The following LRBA variants were observed in gnomAD, a reference collection of about 807,000 sequenced individuals.
LRBA encodes LPS responsive beige-like anchor protein.
LRBA carries 176 observed loss-of-function variants against 330.0 expected under a neutral mutation model. The observed-to-expected ratio is 0.53, with a 90% CI of 0.47 to 0.60. The LOEUF (loss-of-function observed/expected upper bound fraction) is 0.60, where lower values mean the gene tolerates loss of function less well. LRBA is among the 20% of genes least tolerant of loss of function. The pLI, the probability that LRBA is intolerant of heterozygous loss-of-function variation, is 0.00. For synonymous variants in LRBA, 1,230 were observed against 1,193.0 expected (o/e 1.03, Z -0.64); for missense variants, 3,259 against 3,444.8 (o/e 0.95, Z 1.35).
chr4:150,955,761 G>A (rs1463271390), intron 2 of LRBA, among the ~76,000 whole-genome samples: 1 of 148,188 alleles, frequency 6.7e-6, no homozygotes, highest in Non-Finnish European at 1.5e-5. Context: ...GTGGGGTGGT[G>A]GGCGCCTGTA....
intron 37 of LRBA, among the ~76,000 whole-genome samples, chr4:150,629,456 T>A (rs1343165424): frequency 1.3e-5 from 2 of 151,770 alleles, no homozygotes; most frequent in Non-Finnish European, 2.9e-5. Flanking sequence ...CTGGCCAACA[T>A]GGTGAAACCC....
intron 44 of LRBA, among the ~76,000 whole-genome samples, chr4:150,447,095 A>C (rs1180750334): frequency 6.6e-6 from 1 of 152,188 alleles, no homozygotes; most frequent in East Asian, 1.9e-4. Flanking sequence ...TTTAAGACAA[A>C]AAGAAATAAA....
At chr4:150,753,623 G>A (rs1349385115) in intron 35 of LRBA, among the ~76,000 whole-genome samples, 1 of 152,056 alleles carries the variant, frequency 6.6e-6, no homozygotes, top group African/African-American at 2.4e-5. Flanking sequence ...CATACATTTG[G>A]TCTTGGTAAA....
At chr4:150,851,742 A>C in intron 23 of LRBA, 143 bp downstream of exon 23, 1 of 844,850 alleles carries the variant, frequency 1.2e-6, no homozygotes, top group Non-Finnish European at 1.7e-6. Flanking sequence ...ATGATCTGAA[A>C]TACAATCTTC....
At chr4:150,733,177 C>T (rs1265831065) in intron 36 of LRBA, among the ~76,000 whole-genome samples, 2 of 152,040 alleles carry the variant, frequency 1.3e-5, no homozygotes, top group Middle Eastern at 3.4e-3. Context: ...ATTTTTGTGA[C>T]GTAAAATTTT....
chr4:150,626,584 G>A (rs1036859044), intron 37 of LRBA, among the ~76,000 whole-genome samples: 13 of 151,826 alleles, frequency 8.6e-5, no homozygotes, highest in Admixed American at 4.6e-4. Flanking sequence ...AAAAAGAAGA[G>A]ACTGTAGTTT....
chr4:150,555,231 A>G (rs1048444457), intron 40 of LRBA, among the ~76,000 whole-genome samples: 1 of 152,168 alleles, frequency 6.6e-6, no homozygotes, highest in Non-Finnish European at 1.5e-5. Flanking sequence ...AAGAAATGCT[A>G]TCACCCACAC....
chr4:150,458,255 A>C (rs1754330998), intron 44 of LRBA, among the ~76,000 whole-genome samples: 1 of 151,956 alleles, frequency 6.6e-6, no homozygotes, highest in African/African-American at 2.4e-5. Context: ...TTTTAAAAGC[A>C]AAACTTCAAC....
intron 2 of LRBA, among the ~76,000 whole-genome samples, chr4:151,008,915 A>G (rs1001498796): frequency 7.2e-6 from 1 of 139,340 alleles, no homozygotes. Flanking sequence ...GGTTGCAGTG[A>G]GCCAAGATCA....
chr4:150,984,989 G>C (rs1463593646), intron 2 of LRBA, among the ~76,000 whole-genome samples: 2 of 152,188 alleles, frequency 1.3e-5, no homozygotes, highest in Admixed American at 1.3e-4. Context: ...AAAGCACGGT[G>C]GCTCATGCCC....
chr4:151,014,582 C>G lies in LRBA; in HGVS notation c.61G>C (p.Gly21Arg). 1 of 1,612,264 alleles carries G rather than the reference C, an allele frequency of 6.2e-7. No individual in the cohort carries two copies. The highest frequency in any genetic ancestry group is 8.5e-7 in the Non-Finnish European group (1 of 1,179,126). ...PPPTGDDGGG[G>R]GREETPTEGG... ...TCAGTAGGGGTTTCTTCTCTCCCTCCACCTCCCCCGTCATCACCTGTTGGT... is the reference window on the plus strand; with the variant it reads ...TCAGTAGGGGTTTCTTCTCTCCCTCGACCTCCCCCGTCATCACCTGTTGGT... The change falls in exon 2 of 57, where the codon GGA becomes CGA. Residue 21 changes from glycine to arginine, a missense_variant. Gly to Arg is a moderately radical substitution (Grantham distance 125, BLOSUM62 -2). Coordinates refer to ENST00000651943, the MANE Select transcript of LRBA (RefSeq NM_001364905.1).
intron 36 of LRBA, among the ~76,000 whole-genome samples, chr4:150,692,204 GTGTT>G (rs113091683): frequency 0.077 from 11,721 of 151,814 alleles, 954 homozygotes; most frequent in African/African-American, 0.21. Context: ...TATTTAAGAA[GTGTT>G]TGTTTGTTTG....
intron 53 of LRBA, among the ~76,000 whole-genome samples, chr4:150,288,159 T>C (rs1323635353): frequency 6.6e-6 from 1 of 151,696 alleles, no homozygotes; most frequent in African/African-American, 2.4e-5. Flanking sequence ...GCCCAGCTAA[T>C]TTTTTGTATT....
At chr4:150,720,701 G>A (rs1436706165) in intron 36 of LRBA, among the ~76,000 whole-genome samples, 2 of 152,040 alleles carry the variant, frequency 1.3e-5, no homozygotes, top group Non-Finnish European at 2.9e-5. Flanking sequence ...AATTTTCTAA[G>A]AACTGAAGGA....
chr4:150,382,759 T>G (rs1742467261), intron 47 of LRBA, among the ~76,000 whole-genome samples: 1 of 152,160 alleles, frequency 6.6e-6, no homozygotes, highest in African/African-American at 2.4e-5. Context: ...AACATAGATC[T>G]TCAAAAGCCA....
At chr4:150,508,251 G>A (rs1181948621) in intron 40 of LRBA, among the ~76,000 whole-genome samples, 2 of 124,334 alleles carry the variant, frequency 1.6e-5, no homozygotes, top group Admixed American at 8.8e-5. Context: ...GGGGGGGGGG[G>A]GGAGAAAAAG....
At chr4:150,896,849 A>T (rs902940919) in intron 15 of LRBA, among the ~76,000 whole-genome samples, 2 of 152,068 alleles carry the variant, frequency 1.3e-5, no homozygotes, top group African/African-American at 4.8e-5. Context: ...TTCTGAAATT[A>T]TCAAGTTAAA....
At chr4:150,492,262 C>T (rs1759055648) in intron 40 of LRBA, among the ~76,000 whole-genome samples, 1 of 150,702 alleles carries the variant, frequency 6.6e-6, no homozygotes, top group Non-Finnish European at 1.5e-5. Context: ...ATTTCTGACA[C>T]CACAGAATCT....
intron 34 of LRBA, among the ~76,000 whole-genome samples, chr4:150,765,036 C>T (rs1417764333): frequency 1.3e-5 from 2 of 149,092 alleles, no homozygotes; most frequent in Non-Finnish European, 3.0e-5. Flanking sequence ...CTTCAGAAGG[C>T]GAATGGATAA....
Sources: allele counts gnomAD v4.1 joint callset (sites outside exome capture counted in the v4.1 genomes callset), GRCh38; gene constraint gnomAD v4.1.1; transcripts MANE v1.5; gene names NCBI Gene and HGNC (gene_info 2026-07-23, HGNC 2026-07-21).